The following IPO8 variants were observed in gnomAD, a reference collection of about 807,000 sequenced individuals.
IPO8 encodes importin 8.
IPO8 carries 65 observed loss-of-function variants against 141.2 expected under a neutral mutation model. The observed-to-expected ratio is 0.46, with a 90% CI of 0.38 to 0.57. The LOEUF is 0.57. IPO8 is among the 20% of genes least tolerant of loss of function. The pLI is 0.00. For missense variants in IPO8, 980 were observed against 1,246.8 expected, an observed-to-expected ratio of 0.79 and a Z score of 3.22; for synonymous variants, 411 against 420.3, an observed-to-expected ratio of 0.98 and a Z score of 0.27.
chr12:30,648,987 T>A, intron 20 of IPO8, 150 bp downstream of exon 20: 2 of 507,830 alleles, frequency 3.9e-6, no homozygotes, highest in Non-Finnish European at 7.0e-6. Context: ...ACTACCTGGC[T>A]CTTTTTGTCA....
At chr12:30,652,718 A>C (rs1369754097) in intron 18 of IPO8, among the ~76,000 whole-genome samples, 1 of 152,094 alleles carries the variant, frequency 6.6e-6, no homozygotes, top group East Asian at 1.9e-4. Flanking sequence ...AATACTTATT[A>C]AATTAATATA....
chr12:30,692,878 G>A (rs751459954), intron 1 of IPO8, among the ~76,000 whole-genome samples: 1 of 152,016 alleles, frequency 6.6e-6, no homozygotes, highest in Non-Finnish European at 1.5e-5. Context: ...ACTCTTGCTC[G>A]GGCTTTACTC....
chr12:30,666,014 G>A (rs1375874609), intron 11 of IPO8, among the ~76,000 whole-genome samples, 161 bp downstream of exon 11: 1 of 151,790 alleles, frequency 6.6e-6, no homozygotes, highest in East Asian at 1.9e-4. Context: ...AAATAACCAT[G>A]ATACCCCCTT....
chr12:30,680,901 A>G (rs1452138845), intron 4 of IPO8, among the ~76,000 whole-genome samples: 1 of 152,176 alleles, frequency 6.6e-6, no homozygotes, highest in Non-Finnish European at 1.5e-5. Context: ...GTTTTCCTAC[A>G]TGAATGTTTC....
intron 14 of IPO8, 124 bp from the exon 15 acceptor site, chr12:30,662,611 G>A: frequency 1.4e-6 from 1 of 722,230 alleles, no homozygotes; most frequent in Non-Finnish European, 2.5e-6. Context: ...ATACACACTT[G>A]CTCTGTGGTA....
chr12:30,652,194 T>C lies in IPO8; in HGVS notation c.2170A>G (p.Lys724Glu), dbSNP rs2052736825. 6.5e-7 allele frequency: 1 copy of C among 1,535,744 alleles called. No individual in the cohort carries two copies. Among genetic ancestry groups the C allele is most frequent in the African/African-American group, 1.4e-5 (1 of 73,304 alleles). Residue 724 changes from lysine (K) to glutamate (E), a missense_variant and splice_region_variant, in exon 19 of 25, where the codon AAG becomes GAG. Lys to Glu is a moderately conservative substitution (Grantham distance 56). Around this residue, in one of 3 missense-constraint regions of IPO8, gnomAD observed 924 missense variants for 1,153.9 expected, o/e 0.80. Transcript: ENST00000256079. ...ACAATAGATTAGGTCATGCTTACCT[T>C]CCTACACATTGTAAAAAGAATTTCT... ...HLEILFTMCR[K>E]VLCGDAGEDA...
intron 6 of IPO8, among the ~76,000 whole-genome samples, 162 bp from the exon 7 acceptor site, chr12:30,674,915 A>G (rs1383676889): frequency 3.9e-5 from 6 of 152,370 alleles, no homozygotes; most frequent in Middle Eastern, 3.4e-3. Context: ...CAGGAATTAA[A>G]TAAGCAAAGT....
At chr12:30,631,016 G>T in intron 24 of IPO8, 59 bp from the exon 25 acceptor site, 1 of 1,325,124 alleles carries the variant, frequency 7.5e-7, no homozygotes, top group Non-Finnish European at 1.1e-6. Context: ...AGGTGACAAA[G>T]TTGGAGATGA....
chr12:30,646,678 C>A (rs1250210508), intron 20 of IPO8, among the ~76,000 whole-genome samples: 6 of 151,998 alleles, frequency 3.9e-5, no homozygotes, highest in Non-Finnish European at 7.4e-5. Flanking sequence ...AATTATATTT[C>A]TATACACTGG....
At position 30,670,964 on chromosome 12, in the gene IPO8, G is replaced by C; in HGVS notation, c.1042C>G (p.Gln348Glu). ...GAGAGCTGCTCTCTGACACTAACCT[G>C]TATGTGTGGCTTCATCTGCTTCCAG... ...ITWKQMKPHI[Q>E]NISEDVIFSV... The change falls in exon 9 of 25, where the codon CAG becomes GAG. Residue 348 changes from glutamine to glutamate, a missense_variant and splice_region_variant. Physicochemically the swap from Gln to Glu is conservative, Grantham distance 29 (BLOSUM62 2). This residue lies in a region of IPO8 where 924 missense variants were observed against 1,153.9 expected (regional missense o/e 0.80). Coordinates refer to ENST00000256079, the MANE Select transcript of IPO8 (RefSeq NM_006390.4). The C allele has an allele frequency of 6.2e-7, 1 of 1,612,652 alleles. No individual in the cohort carries two copies. The highest frequency in any genetic ancestry group is 8.5e-7 in the Non-Finnish European group (1 of 1,179,168).
Position 30,679,518 on chromosome 12 carries a change from T to C in IPO8, c.639+964A>G, listed in dbSNP as rs187474448. On this transcript the variant is annotated intron_variant, in intron 5 of 24. Coordinates refer to ENST00000256079, the MANE Select transcript of IPO8 (RefSeq NM_006390.4). ...GAGAGAACATATTTTCCTAGTATTC[T>C]AGTTTCTTCTCTTCTCACATTTGCC... Among the ~76,000 whole-genome samples the C allele has an allele frequency of 2.8e-3, 422 of 152,268 alleles. 1 individual carries two copies. The highest frequency in any genetic ancestry group is 9.6e-3 in the African/African-American group (397 of 41,554).
chr12:30,668,098 A>C lies in IPO8; in HGVS notation c.1144+1085T>G, dbSNP rs148959790. 7.9e-3 allele frequency among the ~76,000 whole-genome samples: 1,200 copies of C among 152,218 alleles called. 10 individuals are homozygous for C. The highest frequency in any genetic ancestry group is 9.6e-3 in the Non-Finnish European group (655 of 67,988). On this transcript the variant is annotated intron_variant, in intron 10 of 24. Transcript: ENST00000256079. ...GAGAGAGAAGAATGGTTGGCTAATC[A>C]CTCAAAGCAAACTAGAAAAACAAAG...
chr12:30,676,492 T>C lies in IPO8; in HGVS notation c.729+6A>G, dbSNP rs758687692. The C allele has an allele frequency of 6.2e-7, 1 of 1,606,866 alleles. No homozygotes were observed. Among genetic ancestry groups the C allele is most frequent in the Non-Finnish European group, 8.5e-7 (1 of 1,173,800 alleles). On this transcript the variant is annotated splice_donor_region_variant and intron_variant, in intron 6 of 24. Transcript: ENST00000256079. ...CCTATTTTTCTTGGGAAAAGCTTTT[T>C]CTTACAGGAGGAACGGTCCTGTCGA...
At chr12:30,661,408 T>C (rs960604929) in intron 15 of IPO8, 142 bp from the exon 16 acceptor site, 5 of 566,744 alleles carry the variant, frequency 8.8e-6, no homozygotes, top group African/African-American at 2.0e-5. Context: ...GACTGAATCA[T>C]CTCTCTTCTT....
chr12:30,649,530 C>A (rs1271662715), intron 19 of IPO8, among the ~76,000 whole-genome samples: 1 of 152,072 alleles, frequency 6.6e-6, no homozygotes, highest in African/African-American at 2.4e-5. Context: ...AAAATGAAAT[C>A]AAAACCAAAA....
chr12:30,665,688 T>G, intron 12 of IPO8, 41 bp downstream of exon 12: 1 of 1,287,714 alleles, frequency 7.8e-7, no homozygotes, highest in Non-Finnish European at 1.1e-6. Flanking sequence ...TGCCTGTACT[T>G]TACAATGTTA....
intron 19 of IPO8, among the ~76,000 whole-genome samples, 157 bp downstream of exon 19, chr12:30,652,035 T>G (rs1182851605): frequency 6.6e-6 from 1 of 151,938 alleles, no homozygotes; most frequent in African/African-American, 2.4e-5. Flanking sequence ...AACTTTCAAA[T>G]CCCAAAGATC....
At chr12:30,652,671 A>G (rs569125329) in intron 18 of IPO8, among the ~76,000 whole-genome samples, 9 of 152,228 alleles carry the variant, frequency 5.9e-5, no homozygotes, top group African/African-American at 2.2e-4. Flanking sequence ...GATTGCTGAG[A>G]TTAGAATAGG....
At chr12:30,657,252 T>C (rs1480131378) in intron 16 of IPO8, among the ~76,000 whole-genome samples, 1 of 152,178 alleles carries the variant, frequency 6.6e-6, no homozygotes, top group Non-Finnish European at 1.5e-5. Context: ...TTTTTAAAAA[T>C]TGAAATACAA....
Sources: gnomAD v4.1 joint callset for allele counts (sites outside exome capture counted in the v4.1 genomes callset) on GRCh38, gnomAD v4.1.1 for gene constraint, gnomAD v4.1.1 regional missense constraint, MANE v1.5 for transcripts, NCBI Gene and HGNC (gene_info 2026-07-23, HGNC 2026-07-21) for gene names.